Variants in FAM178B observed in about 807,000 individuals in gnomAD.
FAM178B encodes the protein family with sequence similarity 178 member B.
In FAM178B, 82 loss-of-function variants were observed where a neutral mutation model predicts 91.7. The observed-to-expected ratio is 0.89, with a 90% CI of 0.75 to 1.07. FAM178B has a LOEUF of 1.07. Ranked by LOEUF, FAM178B falls within the 50% of genes least tolerant of loss-of-function variation. The pLI, the probability that FAM178B is intolerant of heterozygous loss-of-function variation, is 0.00. For missense variants in FAM178B, 769 were observed against 846.7 expected (o/e 0.91, Z 1.14); for synonymous variants, 368 against 359.4 (o/e 1.02, Z -0.27).
chr2:96,970,936 G>A (rs576616302), intron 3 of FAM178B, among the ~76,000 whole-genome samples, 159 bp from the exon 4 acceptor site: 3 of 152,168 alleles, frequency 2.0e-5, no homozygotes, highest in East Asian at 1.9e-4. Flanking sequence ...TAAAGGCGCA[G>A]GGTAAAATGT....
At chr2:96,941,189 T>G (rs2081723827) in intron 8 of FAM178B, among the ~76,000 whole-genome samples, 1 of 152,204 alleles carries the variant, frequency 6.6e-6, no homozygotes, top group Non-Finnish European at 1.5e-5. Flanking sequence ...GAAGTGGTTG[T>G]GGGGAGTGGC....
At chr2:96,974,471 A>G (rs1419931480) in intron 1 of FAM178B, among the ~76,000 whole-genome samples, 1 of 151,926 alleles carries the variant, frequency 6.6e-6, no homozygotes, top group Non-Finnish European at 1.5e-5. Context: ...TTAATGGAAG[A>G]AAAAGAAAAA....
At chr2:96,976,295 G>A (rs187831303) in intron 1 of FAM178B, among the ~76,000 whole-genome samples, 32 of 150,694 alleles carry the variant, frequency 2.1e-4, no homozygotes, top group African/African-American at 6.6e-4. Flanking sequence ...GGGTTTCACC[G>A]TGTTAGCCAG....
At chr2:96,882,596 A>G (rs575831126) in intron 14 of FAM178B, among the ~76,000 whole-genome samples, 28 of 152,300 alleles carry the variant, frequency 1.8e-4, no homozygotes, top group Middle Eastern at 3.4e-3. Flanking sequence ...ACGAGGCAGG[A>G]GAGAGAGGCT....
At chr2:96,948,769 AG>A (rs2153373172) in intron 7 of FAM178B, among the ~76,000 whole-genome samples, 1 of 152,276 alleles carries the variant, frequency 6.6e-6, no homozygotes, top group East Asian at 1.9e-4. Context: ...TTGACCTTGG[AG>A]GGAGCACCTA....
rs182607025 is a variant in FAM178B, at chr2:96,929,399, C to A, written c.1079-79G>T. Reference sequence around the variant, plus strand: ...CACCACTCCCACTGAAGGGGCTGGCCGTGACCCCTGGCCCAAGATAACCAG... The same window carrying A: ...CACCACTCCCACTGAAGGGGCTGGCAGTGACCCCTGGCCCAAGATAACCAG... On this transcript the variant is annotated intron_variant, in intron 8 of 16. Coordinates refer to ENST00000490605, the MANE Select transcript of FAM178B (RefSeq NM_001122646.3). 1.3e-4 allele frequency: 140 copies of A among 1,043,766 alleles called. No individual in the cohort carries two copies. In the East Asian group the frequency reaches 3.5e-3, roughly 26 times the overall value. The allele number at this position is 1,043,766 out of a possible 1,614,324, so 64.7% of individuals were successfully genotyped here. A position where few individuals can be genotyped will look rare whatever the true frequency, so the allele number is the denominator to read the frequency against.
chr2:96,929,171 A>G (rs1261438943), intron 9 of FAM178B, 35 bp downstream of exon 9: 10 of 1,408,290 alleles, frequency 7.1e-6, no homozygotes, highest in Non-Finnish European at 9.8e-6. Context: ...AAAAAATATG[A>G]AAGAAAAAGG....
intron 13 of FAM178B, among the ~76,000 whole-genome samples, chr2:96,899,110 GC>G (rs1486447338): frequency 5.3e-5 from 8 of 152,256 alleles, no homozygotes; most frequent in Non-Finnish European, 1.0e-4. Flanking sequence ...CCCTGGGCTT[GC>G]AGTGGAGATG....
chr2:96,956,931 C>T (rs1052956525), intron 6 of FAM178B: 2 of 152,364 alleles, frequency 1.3e-5, no homozygotes, highest in Admixed American at 1.3e-4. Flanking sequence ...GATCACGGCT[C>T]ACTGCAGCCT....
intron 4 of FAM178B, among the ~76,000 whole-genome samples, chr2:96,968,261 TC>T (rs1378944003): frequency 6.6e-6 from 1 of 152,006 alleles, no homozygotes; most frequent in Non-Finnish European, 1.5e-5. Flanking sequence ...TCTTTAGCCT[TC>T]CGGCCTCACT....
At chr2:96,951,632 C>T in intron 6 of FAM178B, 148 bp from the exon 7 acceptor site, 1 of 645,854 alleles carries the variant, frequency 1.5e-6, no homozygotes, top group South Asian at 1.8e-5. Flanking sequence ...TTCAAGCCCT[C>T]AGTGCATGAT....
chr2:96,946,617 C>T (rs951082878), intron 8 of FAM178B, among the ~76,000 whole-genome samples: 1 of 152,240 alleles, frequency 6.6e-6, no homozygotes, highest in Non-Finnish European at 1.5e-5. Flanking sequence ...CTGATCCTTC[C>T]TAATGGGGAG....
chr2:96,971,483 C>T (rs2082217363), intron 3 of FAM178B, among the ~76,000 whole-genome samples: 1 of 152,132 alleles, frequency 6.6e-6, no homozygotes. Context: ...ATTTGAAGTT[C>T]ATCATTGAAG....
At chr2:96,981,568 G>A (rs943714780) in intron 1 of FAM178B, among the ~76,000 whole-genome samples, 8 of 151,780 alleles carry the variant, frequency 5.3e-5, no homozygotes, top group African/African-American at 1.5e-4. Context: ...TGGCCAACAC[G>A]TGAAACCCCA....
chr2:96,949,858 C>A (rs1466147819), intron 7 of FAM178B: 8 of 442,018 alleles, frequency 1.8e-5, no homozygotes, highest in Non-Finnish European at 2.4e-5. Flanking sequence ...TCACGGATGT[C>A]CCACTTAACT....
At chr2:96,896,663 G>A (rs1486255475) in intron 13 of FAM178B, among the ~76,000 whole-genome samples, 2 of 152,152 alleles carry the variant, frequency 1.3e-5, no homozygotes, top group African/African-American at 2.4e-5. Flanking sequence ...TTGCTCCTGG[G>A]TGCAAATCCT....
intron 16 of FAM178B, among the ~76,000 whole-genome samples, chr2:96,877,365 T>C (rs528214238): frequency 6.6e-6 from 1 of 151,946 alleles, no homozygotes; most frequent in Non-Finnish European, 1.5e-5. Flanking sequence ...TGCGCTTCTC[T>C]GTGTCCCCTT....
intron 8 of FAM178B, among the ~76,000 whole-genome samples, chr2:96,940,234 T>A (rs1255070136): frequency 2.6e-5 from 4 of 152,120 alleles, no homozygotes; most frequent in African/African-American, 7.2e-5. Context: ...GCACCCGGCA[T>A]GAGAACGGTA....
At chr2:96,945,037 A>T (rs553891939) in intron 8 of FAM178B, among the ~76,000 whole-genome samples, 1 of 151,878 alleles carries the variant, frequency 6.6e-6, no homozygotes, top group South Asian at 2.1e-4. Flanking sequence ...CCTCCCACCT[A>T]TTAGCCTCCT....
Sources: allele counts gnomAD v4.1 joint callset (sites outside exome capture counted in the v4.1 genomes callset), GRCh38; gene constraint gnomAD v4.1.1; transcripts MANE v1.5; gene names NCBI Gene and HGNC (gene_info 2026-07-23, HGNC 2026-07-21).